ANKRD31: variants seen among roughly 807,000 people sequenced by gnomAD.
The protein encoded by ANKRD31 is ankyrin repeat domain 31, also known as ankyrin repeat domain-containing protein 31.
Under a neutral mutation model 186.0 loss-of-function variants are expected in ANKRD31, and 147 were observed. The observed-to-expected ratio is 0.79, with a 90% CI of 0.69 to 0.91. ANKRD31 has a LOEUF of 0.91. Among genes scored for constraint, ANKRD31 ranks in the 40% least tolerant of loss-of-function variants. The pLI, the probability that ANKRD31 is intolerant of heterozygous loss-of-function variation, is 0.00. For missense variants in ANKRD31, 1,986 were observed against 2,148.8 expected, an observed-to-expected ratio of 0.92 and a Z score of 1.50; for synonymous variants, 673 against 736.4, an observed-to-expected ratio of 0.91 and a Z score of 1.39.
rs1743941797 is a variant in ANKRD31 at position 75,068,492 on chromosome 5, C to G, written c.*27G>C. The G allele has an allele frequency of 6.9e-7, 1 of 1,441,934 alleles. No homozygotes were observed. The highest frequency in any genetic ancestry group is 9.1e-7 in the Non-Finnish European group (1 of 1,102,478). 89.3% of individuals were successfully genotyped at this position (1,441,934 alleles called of 1,614,324 possible). A position where few individuals can be genotyped will look rare whatever the true frequency, so the allele number is the denominator to read the frequency against. On this transcript the variant is annotated 3_prime_UTR_variant, in exon 26 of 26. Coordinates refer to ENST00000506364, the MANE Select transcript of ANKRD31 (RefSeq NM_001372053.1). ...GTTTGTTGGTAATTTGAACAAATATCCAATAAAATATTAAGAAACCAAGGT... is the reference window on the plus strand; with the variant it reads ...GTTTGTTGGTAATTTGAACAAATATGCAATAAAATATTAAGAAACCAAGGT...
chr5:75,147,431 A>G lies in ANKRD31; in HGVS notation c.1980T>C (p.His660=), dbSNP rs766670365. 13 of 1,516,704 alleles carry G rather than the reference A, an allele frequency of 8.6e-6. No individual in the cohort carries two copies. The highest frequency in any genetic ancestry group is 1.1e-5 in the Non-Finnish European group (12 of 1,139,694). 94.0% of individuals were successfully genotyped at this position (1,516,704 alleles called of 1,614,324 possible). The part of the protein sequence containing the change: ...NENSNRQKLE[H]VKVNKGSKAS... ...CTTTGCTTCCTTTATTGACTTTTAC[A>G]TGTTCCAGCTTCTGTCTGTTGGAAT... Residue 660 remains histidine, a synonymous_variant, in exon 14 of 26, where the codon CAT becomes CAC. Coordinates refer to ENST00000506364, the MANE Select transcript of ANKRD31 (RefSeq NM_001372053.1).
Position 75,199,524 on chromosome 5 carries a change from G to A in ANKRD31, c.447+107C>T, listed in dbSNP as rs555503102. 4 of 720,828 alleles carry A rather than the reference G, an allele frequency of 5.5e-6. No homozygotes were observed. The East Asian group carries it at 1.0e-4, about 18-fold the overall frequency. The allele number at this position is 720,828 out of a possible 1,614,324, so 44.7% of individuals were successfully genotyped here. On this transcript the variant is annotated intron_variant, in intron 6 of 25. Transcript: ENST00000506364. Reference sequence around the variant, plus strand: ...GATTTTTATCTACCGAAATGGTTTAGTAGATGAGGGTGAGGGTCTAAATGA... The same window carrying A: ...GATTTTTATCTACCGAAATGGTTTAATAGATGAGGGTGAGGGTCTAAATGA...
chr5:75,104,496 G>GC lies in ANKRD31; in HGVS notation c.5062dup (p.Ala1688GlyfsTer16). On this transcript the variant is annotated frameshift_variant, in exon 22 of 26. Transcript: ENST00000506364. LOFTEE classifies it high-confidence loss of function. ...CCCTTGATGTGCCAGAGATTCTGAT[G>GC]CCCCTGTAGGTGATTGCTGGGAACT... 6.5e-7 allele frequency: 1 copy of GC among 1,537,176 alleles called. No individual in the cohort carries two copies. The highest frequency in any genetic ancestry group is 1.2e-5 in the South Asian group (1 of 84,038).
chr5:75,198,116 A>G (rs1580538918), intron 6 of ANKRD31, among the ~76,000 whole-genome samples: 1 of 152,288 alleles, frequency 6.6e-6, no homozygotes, highest in African/African-American at 2.4e-5. Context: ...CTGCCTAAAT[A>G]TACCTTACCG....
chr5:75,209,645 C>A (rs1756480447), intron 4 of ANKRD31, among the ~76,000 whole-genome samples: 1 of 152,194 alleles, frequency 6.6e-6, no homozygotes, highest in African/African-American at 2.4e-5. Context: ...CCACTGCACT[C>A]CAGCCTGGGT....
intron 22 of ANKRD31, among the ~76,000 whole-genome samples, chr5:75,095,874 G>A (rs1353569571): frequency 6.6e-6 from 1 of 152,122 alleles, no homozygotes; most frequent in African/African-American, 2.4e-5. Context: ...TTCCCCTAGG[G>A]TTCTTGGAAC....
At chr5:75,116,052 A>C (rs1319748755) in intron 19 of ANKRD31, among the ~76,000 whole-genome samples, 1 of 151,634 alleles carries the variant, frequency 6.6e-6, no homozygotes, top group Non-Finnish European at 1.5e-5. Flanking sequence ...AATGTGGCAC[A>C]TATACACCAT....
At chr5:75,213,965 C>A (rs546057932) in intron 3 of ANKRD31, among the ~76,000 whole-genome samples, 2 of 152,250 alleles carry the variant, frequency 1.3e-5, no homozygotes, top group African/African-American at 4.8e-5. Flanking sequence ...ATTTGGTAGA[C>A]CAGAATAGTA....
At chr5:75,180,659 G>T (rs1180864286) in intron 10 of ANKRD31, among the ~76,000 whole-genome samples, 1 of 152,154 alleles carries the variant, frequency 6.6e-6, no homozygotes, top group Non-Finnish European at 1.5e-5. Flanking sequence ...AATAAATGGT[G>T]CTGGGAAAAC....
Position 75,146,835 on chromosome 5 carries a change from G to A in ANKRD31, c.2576C>T (p.Thr859Ile), listed in dbSNP as rs778452500. ...AAGTACATGGTGTTGTTCCTGGAGA[G>A]TGTGAGGCTGCTTATCTGTAGTAAC... The part of the protein sequence containing the change: ...PVVTTDKQPH[T>I]LQEQHHVLYK... The change falls in exon 14 of 26, where the codon ACT becomes ATT. Residue 859 changes from threonine to isoleucine, a missense_variant. Coordinates refer to ENST00000506364, the MANE Select transcript of ANKRD31 (RefSeq NM_001372053.1). 1.4e-5 allele frequency: 22 copies of A among 1,536,220 alleles called. No individual in the cohort carries two copies. The highest frequency in any genetic ancestry group is 1.8e-5 in the Non-Finnish European group (21 of 1,146,320).
At chr5:75,224,178 T>TATATATATATATATATAC (rs1341100904) in intron 2 of ANKRD31, among the ~76,000 whole-genome samples, 2 of 124,430 alleles carry the variant, frequency 1.6e-5, no homozygotes, top group Non-Finnish European at 3.3e-5. Context: ...TATATATATA[T>TATATATATATATATATAC]ACACACATTT....
At chr5:75,076,290 A>G (rs1199324440) in intron 25 of ANKRD31, among the ~76,000 whole-genome samples, 1 of 152,190 alleles carries the variant, frequency 6.6e-6, no homozygotes, top group African/African-American at 2.4e-5. Flanking sequence ...TGGGTTGCCC[A>G]CAATTCTATC....
In ANKRD31 at chr5:75,131,017, A is replaced by G. The variant is rs545802285; in HGVS notation, c.3876+6839T>C. On this transcript the variant is annotated intron_variant, in intron 17 of 25. Transcript: ENST00000506364. ...CCCCACAAAGAGAGAACGGTGGTCC[A>G]TGCACGGGACCCAGCCTCCTATCAA... 5.3e-5 allele frequency among the ~76,000 whole-genome samples: 8 copies of G among 152,334 alleles called. No homozygotes were observed. In the South Asian group the frequency reaches 1.4e-3, roughly 28 times the overall value.
chr5:75,133,338 A>C (rs1177641548), intron 17 of ANKRD31, among the ~76,000 whole-genome samples: 1 of 148,686 alleles, frequency 6.7e-6, no homozygotes. Flanking sequence ...AATGGAAAAC[A>C]AAAAAAAAAA....
chr5:75,232,539 C>T (rs542932785), intron 1 of ANKRD31, among the ~76,000 whole-genome samples: 81 of 150,108 alleles, frequency 5.4e-4, no homozygotes, highest in Non-Finnish European at 8.4e-4. Context: ...CAGCTGTGAG[C>T]GACTGCACCC....
At chr5:75,172,433 A>G (rs1753405931) in intron 10 of ANKRD31, among the ~76,000 whole-genome samples, 1 of 152,038 alleles carries the variant, frequency 6.6e-6, no homozygotes, top group Non-Finnish European at 1.5e-5. Context: ...ACTTAAAAAA[A>G]TCAATGAATC....
At position 75,140,478 on chromosome 5, in the gene ANKRD31, G is replaced by C. The variant is rs560183576; in HGVS notation, c.3596-1495C>G. On this transcript the variant is annotated intron_variant, in intron 15 of 25. Transcript: ENST00000506364. ...ACTTGTTAGAAATGCAAATTCCCCA[G>C]TCCACTCCAAACTTACTTTGGAGGA... Among the ~76,000 whole-genome samples the C allele has an allele frequency of 6.6e-5, 10 of 152,260 alleles. No individual in the cohort carries two copies. In the South Asian group the frequency reaches 1.9e-3, roughly 28 times the overall value.
At chr5:75,079,568 G>T (rs765322533) in intron 25 of ANKRD31, among the ~76,000 whole-genome samples, 1 of 151,776 alleles carries the variant, frequency 6.6e-6, no homozygotes, top group African/African-American at 2.4e-5. Context: ...TCCGCCTCTC[G>T]GATTCAAGCA....
At chr5:75,155,113 T>G (rs1248889271) in intron 11 of ANKRD31, among the ~76,000 whole-genome samples, 1 of 152,120 alleles carries the variant, frequency 6.6e-6, no homozygotes, top group Non-Finnish European at 1.5e-5. Context: ...CAACAGGAAA[T>G]TAATGAATAT....
Sources: allele counts gnomAD v4.1 joint callset (sites outside exome capture counted in the v4.1 genomes callset), GRCh38; gene constraint gnomAD v4.1.1; transcripts MANE v1.5; gene names NCBI Gene and HGNC (gene_info 2026-07-23, HGNC 2026-07-21).